L3MBTL4: variants seen among roughly 807,000 people sequenced by gnomAD.
L3MBTL4 encodes lethal(3)malignant brain tumor-like protein 4.
L3MBTL4 carries 70 observed loss-of-function variants against 84.5 expected under a neutral mutation model. The ratio of observed to expected loss-of-function variants is 0.83; its 90% CI spans 0.68 to 1.01. L3MBTL4 has a LOEUF of 1.01. L3MBTL4 is among the 50% of genes least tolerant of loss of function. The probability of loss-of-function intolerance (pLI) is 0.00; values close to 1 mark genes in which losing one functional copy is unlikely to be tolerated. For missense variants in L3MBTL4, 715 were observed against 754.8 expected (o/e 0.95, Z 0.62); for synonymous variants, 274 against 259.8 (o/e 1.05, Z -0.52).
chr18:6,207,345 A>G (rs1473511808), intron 12 of L3MBTL4, among the ~76,000 whole-genome samples: 1 of 152,178 alleles, frequency 6.6e-6, no homozygotes, highest in East Asian at 1.9e-4. Flanking sequence ...ACCTGGCTCT[A>G]CCACTTATAA....
rs537703926 is a variant in L3MBTL4, at chr18:5,969,549, C to T, written c.1458G>A (p.Glu486=). The change falls in exon 17 of 19, where the codon GAG becomes GAA. Residue 486 remains glutamate, a synonymous_variant. Coordinates refer to ENST00000317931, the MANE Select transcript of L3MBTL4 (RefSeq NM_001330559.2). ...LDNLFREYSV[E]QAQQVLHQSV... ...ACTGGTGAAGCACCTGCTGCGCCTG[C>T]TCCACCGAGTATTCTGTAAGAGAGG... The T allele has an allele frequency of 6.2e-7, 1 of 1,605,776 alleles. No individual in the cohort carries two copies.
intron 16 of L3MBTL4, chr18:6,030,111 T>C: frequency 1.1e-6 from 1 of 938,256 alleles, no homozygotes; most frequent in Non-Finnish European, 1.3e-6. Flanking sequence ...ACAATGTATG[T>C]GGTATGCCAT....
At chr18:6,029,393 G>C (rs1293273907) in intron 16 of L3MBTL4, 2 of 850,120 alleles carry the variant, frequency 2.4e-6, no homozygotes, top group Non-Finnish European at 2.8e-6. Flanking sequence ...ATTATTTGTA[G>C]GTGACATGTT....
At chr18:6,084,857 C>T (rs2058206528) in intron 15 of L3MBTL4, among the ~76,000 whole-genome samples, 1 of 152,128 alleles carries the variant, frequency 6.6e-6, no homozygotes, top group African/African-American at 2.4e-5. Context: ...CAAATTTTAT[C>T]ACAGGAAACA....
Position 6,146,752 on chromosome 18 carries a change from T to A in L3MBTL4, c.1097-8456A>T, listed in dbSNP as rs1036191952. Among the ~76,000 whole-genome samples, 11 of 152,314 alleles carry A rather than the reference T, an allele frequency of 7.2e-5. No homozygotes were observed. In the South Asian group the frequency reaches 2.1e-3, roughly 29 times the overall value. On this transcript the variant is annotated intron_variant, in intron 13 of 18. Coordinates refer to ENST00000317931, the MANE Select transcript of L3MBTL4 (RefSeq NM_001330559.2). ...GTTTTTGTTTGAGTGATGATGAGAA[T>A]ATTTCAGTACAGGGAAAATTTGATA... is the stretch of plus-strand genomic sequence containing the variant.
intron 13 of L3MBTL4, among the ~76,000 whole-genome samples, chr18:6,149,406 C>T (rs1598912220): frequency 6.6e-6 from 1 of 151,814 alleles, no homozygotes; most frequent in Admixed American, 6.6e-5. Context: ...GCATAGTATT[C>T]CATGGTGTAT....
chr18:6,001,349 A>G (rs1381506212), intron 16 of L3MBTL4, among the ~76,000 whole-genome samples: 1 of 152,274 alleles, frequency 6.6e-6, no homozygotes, highest in Admixed American at 6.5e-5. Context: ...AAGGGAATTT[A>G]GTAAGTCACC....
chr18:6,099,004 G>A (rs976181858), intron 14 of L3MBTL4, among the ~76,000 whole-genome samples: 3 of 152,156 alleles, frequency 2.0e-5, no homozygotes, highest in Non-Finnish European at 2.9e-5. Context: ...GGGGCTCAGC[G>A]ATGGAAATGA....
In L3MBTL4 at chr18:6,297,332, C is replaced by G. The variant is rs534503981; in HGVS notation, c.127+4571G>C. Among the ~76,000 whole-genome samples, 3 of 152,244 alleles carry G rather than the reference C, an allele frequency of 2.0e-5. No individual in the cohort carries two copies. The South Asian group carries it at 6.2e-4, about 32-fold the overall frequency. ...AATACCAAGTGATATTCTGGGCTGT[C>G]TTGGGACAGAAAAAGGACACTAGTA... On this transcript the variant is annotated intron_variant, in intron 4 of 18. Transcript: ENST00000317931.
chr18:5,976,435 G>T (rs887744661), intron 16 of L3MBTL4, among the ~76,000 whole-genome samples: 1 of 152,176 alleles, frequency 6.6e-6, no homozygotes, highest in East Asian at 1.9e-4. Flanking sequence ...TGAGCCCATG[G>T]CCTCTCTCCA....
chr18:6,330,055 T>A (rs2051946412), intron 1 of L3MBTL4, among the ~76,000 whole-genome samples: 1 of 152,336 alleles, frequency 6.6e-6, no homozygotes, highest in Non-Finnish European at 1.5e-5. Context: ...CATTTATCCC[T>A]TTTGTTGCTG....
Position 6,285,918 on chromosome 18 carries a change from G to A in L3MBTL4, c.127+15985C>T, listed in dbSNP as rs374681380. 1.2e-3 allele frequency among the ~76,000 whole-genome samples: 179 copies of A among 150,870 alleles called. 4 individuals carry two copies. In the South Asian group the frequency reaches 0.025, roughly 21 times the overall value. On this transcript the variant is annotated intron_variant, in intron 4 of 18. Coordinates refer to ENST00000317931, the MANE Select transcript of L3MBTL4 (RefSeq NM_001330559.2). ...GCAATCTCGGCTCACTGCAACCTCC[G>A]CCTCCCGGGTTCAAGCGATTCTTCT...
chr18:6,162,353 A>T (rs2043383543), intron 13 of L3MBTL4, among the ~76,000 whole-genome samples: 1 of 152,198 alleles, frequency 6.6e-6, no homozygotes, highest in South Asian at 2.1e-4. Flanking sequence ...TACCTAACAC[A>T]ATTGTTGAGT....
chr18:6,316,466 T>A (rs1002899423), intron 1 of L3MBTL4, among the ~76,000 whole-genome samples: 2 of 152,156 alleles, frequency 1.3e-5, no homozygotes, highest in Non-Finnish European at 2.9e-5. Context: ...ATGCTGGTGC[T>A]CGTGAAGGGT....
chr18:6,268,312 C>G (rs1286059213), intron 4 of L3MBTL4, among the ~76,000 whole-genome samples: 2 of 152,086 alleles, frequency 1.3e-5, no homozygotes, highest in African/African-American at 4.8e-5. Flanking sequence ...GAGGCTGAGA[C>G]AGGAGAATTG....
intron 15 of L3MBTL4, 102 bp from the exon 16 acceptor site, chr18:6,081,053 T>C (rs556121199): frequency 3.6e-4 from 283 of 778,444 alleles, no homozygotes; most frequent in Non-Finnish European, 5.3e-4. Context: ...GGGTAAACAA[T>C]AGTGAATTGG....
At chr18:6,080,797 T>A (rs2143255622) in intron 16 of L3MBTL4, 84 bp downstream of exon 16, 1 of 1,006,324 alleles carries the variant, frequency 9.9e-7, no homozygotes. Context: ...CCTGTTGGAA[T>A]GATAAAACCA....
At chr18:6,095,175 T>C (rs1047276378) in intron 14 of L3MBTL4, among the ~76,000 whole-genome samples, 1 of 152,170 alleles carries the variant, frequency 6.6e-6, no homozygotes, top group South Asian at 2.1e-4. Context: ...TTCTAATGAA[T>C]ATATATTTTT....
At chr18:6,022,951 A>C (rs1265722049) in intron 16 of L3MBTL4, among the ~76,000 whole-genome samples, 1 of 152,064 alleles carries the variant, frequency 6.6e-6, no homozygotes, top group Non-Finnish European at 1.5e-5. Flanking sequence ...CTCACTTTTG[A>C]GCCTCCTGAC....
Sources: allele counts gnomAD v4.1 joint callset (sites outside exome capture counted in the v4.1 genomes callset), GRCh38; gene constraint gnomAD v4.1.1; transcripts MANE v1.5; gene names NCBI Gene and HGNC (gene_info 2026-07-23, HGNC 2026-07-21).